BACH1: variants seen among roughly 807,000 people sequenced by gnomAD.
BACH1 encodes transcription regulator protein BACH1.
Under a neutral mutation model 52.9 loss-of-function variants are expected in BACH1, and 35 were observed. The observed-to-expected ratio is 0.66, with a 90% CI of 0.51 to 0.88. The LOEUF (loss-of-function observed/expected upper bound fraction) is 0.88, where lower values mean the gene tolerates loss of function less well. Among genes scored for constraint, BACH1 ranks in the 40% least tolerant of loss-of-function variants. The probability of loss-of-function intolerance (pLI) is 0.00; values close to 1 mark genes in which losing one functional copy is unlikely to be tolerated. For missense variants in BACH1, 808 were observed against 872.6 expected, an observed-to-expected ratio of 0.93 and a Z score of 0.93; for synonymous variants, 321 against 319.6, an observed-to-expected ratio of 1.00 and a Z score of -0.05.
rs116966529 is a variant in BACH1, at chr21:29,332,808, C to A, written c.1776+3115C>A. On this transcript the variant is annotated intron_variant, in intron 4 of 4. Coordinates refer to ENST00000286800, the MANE Select transcript of BACH1 (RefSeq NM_001186.4). ...GAGAGCATCTTACTGGCTGAATTCA[C>A]TCAGGTATCCTCTTCTGTGACTAGC... 3.2e-3 allele frequency among the ~76,000 whole-genome samples: 491 copies of A among 152,314 alleles called. 2 individuals carry two copies. The East Asian group carries it at 0.049, about 15-fold the overall frequency.
intron 3 of BACH1, among the ~76,000 whole-genome samples, chr21:29,329,057 C>T (rs2088950672): frequency 6.6e-6 from 1 of 152,152 alleles, no homozygotes; most frequent in Admixed American, 6.5e-5. Context: ...CCTGTAATCC[C>T]AACACCTTGG....
intron 2 of BACH1, chr21:29,360,903 C>T (rs1443299634): frequency 6.6e-6 from 1 of 151,942 alleles, no homozygotes; most frequent in Admixed American, 6.6e-5. Context: ...TACCATTCTA[C>T]CTCCAATCCC....
intron 1 of BACH1, among the ~76,000 whole-genome samples, chr21:29,311,690 T>A (rs2088725167): frequency 6.6e-6 from 1 of 152,202 alleles, no homozygotes; most frequent in Non-Finnish European, 1.5e-5. Context: ...CTACTGTTGA[T>A]CACCTCTGCA....
chr21:29,321,564 T>G, intron 2 of BACH1, 50 bp downstream of exon 2: 2 of 1,520,038 alleles, frequency 1.3e-6, no homozygotes, highest in Non-Finnish European at 1.8e-6. Context: ...ACTTAAGTTT[T>G]TTATGGTTCA....
At position 29,327,156 on chromosome 21, in the gene BACH1, G is replaced by A; in HGVS notation, c.1332G>A (p.Glu444=). 1 of 1,614,230 alleles carries A rather than the reference G, an allele frequency of 6.2e-7. No individual in the cohort carries two copies. Among genetic ancestry groups the A allele is most frequent in the Non-Finnish European group, 8.5e-7 (1 of 1,180,050 alleles). ...CGTGGTTAGGTATCAGGATTAGTGAGAGCCCAGAACCAGGTCAAAGGACTT... is the reference window on the plus strand; with the variant it reads ...CGTGGTTAGGTATCAGGATTAGTGAAAGCCCAGAACCAGGTCAAAGGACTT... The part of the protein sequence containing the change: ...ECPWLGIRIS[E]SPEPGQRTFT... Residue 444 remains glutamate (E), a synonymous_variant, in exon 3 of 5, where the codon GAG becomes GAA. Transcript: ENST00000286800.
rs1256905983 is a variant in BACH1, at chr21:29,345,219, A to G, written c.*2386A>G. On this transcript the variant is annotated 3_prime_UTR_variant, in exon 5 of 5. Transcript: ENST00000286800. Reference sequence around the variant, plus strand: ...AGTGGGAAAGTTTTCTGTATATTGCATAGCATTACACATTTATGCCTATTT... The same window carrying G: ...AGTGGGAAAGTTTTCTGTATATTGCGTAGCATTACACATTTATGCCTATTT... 1 of 152,652 alleles carries G rather than the reference A, an allele frequency of 6.6e-6. No homozygotes were observed. Among genetic ancestry groups the G allele is most frequent in the Non-Finnish European group, 1.5e-5 (1 of 68,028 alleles). The allele number at this position is 152,652 out of a possible 1,614,324, so 9.5% of individuals were successfully genotyped here. A position where few individuals can be genotyped will look rare whatever the true frequency, so the allele number is the denominator to read the frequency against.
At chr21:29,339,370 G>A (rs2089083662) in intron 4 of BACH1, among the ~76,000 whole-genome samples, 1 of 152,072 alleles carries the variant, frequency 6.6e-6, no homozygotes. Context: ...GTGAAAATGA[G>A]CATTTTTGCT....
At chr21:29,302,874 A>G (rs1202347914) in intron 1 of BACH1, among the ~76,000 whole-genome samples, 1 of 152,242 alleles carries the variant, frequency 6.6e-6, no homozygotes, top group African/African-American at 2.4e-5. Flanking sequence ...GGCAACGAAC[A>G]CAGGACATAG....
chr21:29,323,400 C>T (rs147291182), intron 2 of BACH1, among the ~76,000 whole-genome samples: 75 of 152,276 alleles, frequency 4.9e-4, no homozygotes, highest in Middle Eastern at 3.4e-3. Context: ...CAAGAGCCCT[C>T]GGCAAACCGC....
At chr21:29,357,759 A>G (rs2089243633) in intron 2 of BACH1, among the ~76,000 whole-genome samples, 2 of 152,166 alleles carry the variant, frequency 1.3e-5, no homozygotes, top group Admixed American at 1.3e-4. Flanking sequence ...TCTCTCTGTG[A>G]TGCATAAAGA....
At chr21:29,348,586 A>G (rs1274366466), downstream of BACH1, among the ~76,000 whole-genome samples, 1 of 152,240 alleles carries the variant, frequency 6.6e-6, no homozygotes, top group African/African-American at 2.4e-5. Flanking sequence ...GGCCGTATAC[A>G]CTGATCATTC....
At chr21:29,320,064 T>C (rs1467782067) in intron 1 of BACH1, among the ~76,000 whole-genome samples, 2 of 152,184 alleles carry the variant, frequency 1.3e-5, no homozygotes, top group Admixed American at 1.3e-4. Flanking sequence ...GTTGTGATCC[T>C]TAACCTTGGG....
At chr21:29,301,073 T>C (rs1236876047) in intron 1 of BACH1, among the ~76,000 whole-genome samples, 1 of 152,084 alleles carries the variant, frequency 6.6e-6, no homozygotes, top group African/African-American at 2.4e-5. Flanking sequence ...TTTGGCCCTT[T>C]GGTGAAAAAA....
Position 29,342,695 on chromosome 21 carries a change from C to T in BACH1, c.2073C>T (p.Gly691=). 1.2e-6 allele frequency: 2 copies of T among 1,614,206 alleles called. No homozygotes were observed. The highest frequency in any genetic ancestry group is 1.7e-6 in the Non-Finnish European group (2 of 1,180,048). The change falls in exon 5 of 5, where the codon GGC becomes GGT. Residue 691 remains glycine, a synonymous_variant. Coordinates refer to ENST00000286800, the MANE Select transcript of BACH1 (RefSeq NM_001186.4). ...PPCARGNSEP[G]YARGQESQQM... ...GTGCCAGAGGAAACAGTGAGCCTGGCTACGCGCGAGGGCAGGAGTCCCAGC... is the reference window on the plus strand; with the variant it reads ...GTGCCAGAGGAAACAGTGAGCCTGGTTACGCGCGAGGGCAGGAGTCCCAGC...
intron 2 of BACH1, among the ~76,000 whole-genome samples, chr21:29,354,161 G>A (rs761822919): frequency 6.6e-6 from 1 of 152,170 alleles, no homozygotes; most frequent in Non-Finnish European, 1.5e-5. Context: ...GGCCTCTCAT[G>A]GTTTATTTGT....
downstream of BACH1, among the ~76,000 whole-genome samples, chr21:29,348,164 G>A (rs1027255829): frequency 7.9e-5 from 12 of 152,196 alleles, no homozygotes; most frequent in Admixed American, 1.3e-4. Context: ...GGCCAGAGGA[G>A]TTTTTGATGC....
At chr21:29,332,282 A>G (rs1273206104) in intron 4 of BACH1, among the ~76,000 whole-genome samples, 1 of 152,084 alleles carries the variant, frequency 6.6e-6, no homozygotes, top group Non-Finnish European at 1.5e-5. Context: ...CTCTGCCTAA[A>G]CTGTAAACTC....
intron 1 of BACH1, among the ~76,000 whole-genome samples, chr21:29,309,553 T>C (rs1007377873): frequency 7.2e-5 from 11 of 152,210 alleles, no homozygotes; most frequent in African/African-American, 2.7e-4. Flanking sequence ...TTTCCTTATC[T>C]GTAACAGAAG....
chr21:29,328,612 T>G (rs1307726019), intron 3 of BACH1, among the ~76,000 whole-genome samples: 1 of 152,220 alleles, frequency 6.6e-6, no homozygotes, highest in Non-Finnish European at 1.5e-5. Flanking sequence ...GATACAGTAT[T>G]GTTAAGTATA....
Sources: allele counts gnomAD v4.1 joint callset (sites outside exome capture counted in the v4.1 genomes callset), GRCh38; gene constraint gnomAD v4.1.1; transcripts MANE v1.5; gene names NCBI Gene and HGNC (gene_info 2026-07-23, HGNC 2026-07-21).